The following BICD2 variants were observed in gnomAD, a reference collection of about 807,000 sequenced individuals.
BICD2 encodes BICD cargo adaptor 2, also known as protein bicaudal D homolog 2.
In BICD2, 25 loss-of-function variants were observed where a neutral mutation model predicts 72.9. The ratio of observed to expected loss-of-function variants is 0.34; its 90% CI spans 0.25 to 0.48. BICD2 has a LOEUF of 0.48. BICD2 is among the 20% of genes least tolerant of loss of function. The pLI, the probability that BICD2 is intolerant of heterozygous loss-of-function variation, is 0.99. For synonymous variants in BICD2, 501 were observed against 516.1 expected (o/e 0.97, Z 0.40); for missense variants, 894 against 1,175.2 (o/e 0.76, Z 3.50).
At chr9:92,735,903 C>A (rs1324488584) in intron 1 of BICD2, among the ~76,000 whole-genome samples, 1 of 152,188 alleles carries the variant, frequency 6.6e-6, no homozygotes, top group African/African-American at 2.4e-5. Context: ...CTCTGGGTGG[C>A]CCCTCTTCAT....
intron 2 of BICD2, among the ~76,000 whole-genome samples, chr9:92,724,376 G>C (rs1352072585): frequency 1.3e-5 from 2 of 152,194 alleles, no homozygotes; most frequent in Non-Finnish European, 2.9e-5. Context: ...AGGAAAAAAG[G>C]AATGCAACAG....
chr9:92,756,871 A>C (rs1166135569), intron 1 of BICD2, among the ~76,000 whole-genome samples: 3 of 151,646 alleles, frequency 2.0e-5, no homozygotes, highest in South Asian at 4.2e-4. Context: ...CGTCTCAAAA[A>C]AAAAAAAAGG....
intron 1 of BICD2, among the ~76,000 whole-genome samples, chr9:92,747,200 C>G (rs1408969751): frequency 1.3e-5 from 2 of 152,162 alleles, no homozygotes; most frequent in Non-Finnish European, 2.9e-5. Context: ...GCCAGTATGT[C>G]ACCGGGGGCC....
chr9:92,718,453 C>A, intron 5 of BICD2, 86 bp downstream of exon 5: 1 of 1,499,534 alleles, frequency 6.7e-7, no homozygotes. Flanking sequence ...GGGGGGGCCC[C>A]GTGGCAGGGG....
intron 3 of BICD2, among the ~76,000 whole-genome samples, chr9:92,721,316 C>G (rs1417600706): frequency 6.6e-6 from 1 of 152,170 alleles, no homozygotes; most frequent in Non-Finnish European, 1.5e-5. Context: ...CCCCGCAAGG[C>G]AGAACATCTC....
intron 6 of BICD2, among the ~76,000 whole-genome samples, chr9:92,716,108 C>T (rs1158815060): frequency 1.3e-5 from 2 of 152,036 alleles, no homozygotes; most frequent in African/African-American, 4.8e-5. Context: ...AGACAAAGGG[C>T]GGGTTAAATC....
chr9:92,742,535 C>A (rs1351092992), intron 1 of BICD2, among the ~76,000 whole-genome samples: 10 of 152,102 alleles, frequency 6.6e-5, no homozygotes, highest in Admixed American at 6.5e-4. Flanking sequence ...CAGGCACCTG[C>A]CACCATGCCT....
At chr9:92,756,648 A>G (rs111430531) in intron 1 of BICD2, among the ~76,000 whole-genome samples, 8 of 150,386 alleles carry the variant, frequency 5.3e-5, no homozygotes, top group Admixed American at 3.3e-4. Context: ...CGAGGCAGGC[A>G]GATCATGAGG....
At position 92,713,869 on chromosome 9, in the gene BICD2, G is replaced by A. The variant is rs544396788; in HGVS notation, c.*1285C>T. 8.8e-6 allele frequency: 9 copies of A among 1,023,502 alleles called. No individual in the cohort carries two copies. Among genetic ancestry groups the A allele is most frequent in the Middle Eastern group, 9.7e-4 (2 of 2,072 alleles). The allele number at this position is 1,023,502 out of a possible 1,614,324, so 63.4% of individuals were successfully genotyped here. ...AGAGAGCTGTGGGAGGGGGCAACAC[G>A]GTCTCTCACCAGGTAACTCGAATGC... On this transcript the variant is annotated 3_prime_UTR_variant, in exon 7 of 7. Transcript: ENST00000356884.
rs971599943 is a variant in BICD2 at position 92,715,243 on chromosome 9, T to C, written c.2479A>G (p.Thr827Ala). 4 of 1,613,106 alleles carry C rather than the reference T, an allele frequency of 2.5e-6. No individual in the cohort carries two copies. The highest frequency in any genetic ancestry group is 3.4e-6 in the Non-Finnish European group (4 of 1,179,930). ...GCCCTGTCGCTGGCACAGGCACAGG[T>C]GTGACTTACGCTCGGTGTGGCTGGC... ...TKPATPSVSH[T>A]CACASDRAEG... The change falls in exon 7 of 7, where the codon ACC becomes GCC. Residue 827 changes from threonine to alanine, a missense_variant. Coordinates refer to ENST00000356884, the MANE Select transcript of BICD2 (RefSeq NM_001003800.2).
chr9:92,726,060 G>A (rs1314122787), intron 2 of BICD2, among the ~76,000 whole-genome samples: 1 of 152,208 alleles, frequency 6.6e-6, no homozygotes, highest in Non-Finnish European at 1.5e-5. Flanking sequence ...GAGAGAAGCT[G>A]GAGGGGCTGC....
At chr9:92,739,408 C>A (rs1404910022) in intron 1 of BICD2, among the ~76,000 whole-genome samples, 1 of 152,232 alleles carries the variant, frequency 6.6e-6, no homozygotes. Context: ...TGGGGAATCA[C>A]AGGATGATAA....
intron 1 of BICD2, among the ~76,000 whole-genome samples, chr9:92,740,028 A>G (rs1853868706): frequency 6.6e-6 from 1 of 152,244 alleles, no homozygotes; most frequent in Non-Finnish European, 1.5e-5. Flanking sequence ...AAGAATTTAC[A>G]GCATTATGAC....
At chr9:92,747,706 C>T (rs564132280) in intron 1 of BICD2, among the ~76,000 whole-genome samples, 4 of 152,330 alleles carry the variant, frequency 2.6e-5, no homozygotes, top group Admixed American at 2.6e-4. Flanking sequence ...GTGGGTGGGG[C>T]AAGGCCTCTC....
At chr9:92,722,075 CAG>C (rs1415329672) in intron 3 of BICD2, among the ~76,000 whole-genome samples, 1 of 152,174 alleles carries the variant, frequency 6.6e-6, no homozygotes, top group Non-Finnish European at 1.5e-5. Context: ...GTGGCTCTTG[CAG>C]AGAGAAGAGC....
rs759968141 is a variant in BICD2, at chr9:92,715,512, G to GAGGGC, written c.2259-54_2259-50dup. The GAGGGC allele has an allele frequency of 2.7e-5, 41 of 1,539,804 alleles. No homozygotes were observed. The South Asian group carries it at 3.0e-4, about 11-fold the overall frequency. ...GAGGGGCGGGCAGAGCCGAGCAGAG[G>GAGGGC]AGGGCAGGGCAGGGCAGGGCTAAGC... On this transcript the variant is annotated intron_variant, in intron 6 of 6. Coordinates refer to ENST00000356884, the MANE Select transcript of BICD2 (RefSeq NM_001003800.2).
chr9:92,713,691 G>A lies in BICD2; in HGVS notation c.*1463C>T. The A allele has an allele frequency of 7.1e-7, 1 of 1,403,724 alleles. No homozygotes were observed. Among genetic ancestry groups the A allele is most frequent in the Non-Finnish European group, 9.3e-7 (1 of 1,075,930 alleles). The allele number at this position is 1,403,724 out of a possible 1,614,324, so 87.0% of individuals were successfully genotyped here. A position where few individuals can be genotyped will look rare whatever the true frequency, so the allele number is the denominator to read the frequency against. ...GCAAGGAGAGGGCAAAGCGCATGCA[G>A]GGTGGGCATGCCAGCAGCCATCCCA... is the stretch of plus-strand genomic sequence containing the variant. On this transcript the variant is annotated 3_prime_UTR_variant, in exon 7 of 7. Coordinates refer to ENST00000356884, the MANE Select transcript of BICD2 (RefSeq NM_001003800.2).
At position 92,720,355 on chromosome 9, in the gene BICD2, A is replaced by G; in HGVS notation, c.1007T>C (p.Leu336Pro). ...CTCAGAGATGTTGAGCTCACTGAGT[A>G]GGTCGGAGACGAGGCTGGGGGAGGG... The part of the protein sequence containing the change: ...APPSPSLVSD[L>P]LSELNISEIQ... The change falls in exon 4 of 7, where the codon CTA (leucine) becomes CCA (proline). Residue 336 changes from leucine to proline, a missense_variant. Around this residue, in one of 5 missense-constraint regions of BICD2, gnomAD observed 371 missense variants for 439.1 expected, o/e 0.84. Coordinates refer to ENST00000356884, the MANE Select transcript of BICD2 (RefSeq NM_001003800.2). The surrounding 1 kb of genome is among the most constrained non-coding windows in gnomAD (Gnocchi z 5.4). The G allele has an allele frequency of 6.2e-7, 1 of 1,613,932 alleles. No individual in the cohort carries two copies. The highest frequency in any genetic ancestry group is 8.5e-7 in the Non-Finnish European group (1 of 1,180,008).
At chr9:92,755,087 T>C (rs1854227876) in intron 1 of BICD2, among the ~76,000 whole-genome samples, 1 of 152,230 alleles carries the variant, frequency 6.6e-6, no homozygotes, top group Non-Finnish European at 1.5e-5. Flanking sequence ...GGAACGTCCC[T>C]GAGAAAGAGA....
Sources: allele counts gnomAD v4.1 joint callset (sites outside exome capture counted in the v4.1 genomes callset), GRCh38; gene constraint gnomAD v4.1.1; regional missense constraint gnomAD v4.1.1; non-coding constraint Gnocchi (gnomAD v3.1); transcripts MANE v1.5; gene names NCBI Gene and HGNC (gene_info 2026-07-23, HGNC 2026-07-21).